ITIH4: variants seen among roughly 807,000 people sequenced by gnomAD.
ITIH4 encodes the protein inter-alpha-trypsin inhibitor heavy chain H4.
ITIH4 carries 79 observed loss-of-function variants against 111.8 expected under a neutral mutation model. The observed-to-expected ratio is 0.71, with a 90% confidence interval of 0.59 to 0.85. The LOEUF (loss-of-function observed/expected upper bound fraction) is 0.85, where lower values mean the gene tolerates loss of function less well. ITIH4 is among the 40% of genes least tolerant of loss of function. The probability of loss-of-function intolerance (pLI) is 0.00; values close to 1 mark genes in which losing one functional copy is unlikely to be tolerated. For missense variants in ITIH4, 1,065 were observed against 1,195.8 expected (o/e 0.89, Z 1.61); for synonymous variants, 472 against 468.3 (o/e 1.01, Z -0.10).
In ITIH4 at chr3:52,824,769, C is replaced by T; in HGVS notation, c.876+73G>A. ...CCGAAAGGTGAAGCAAGGGGGTCTG[C>T]CTGCCGGACCACAGCTGATAGCGTG... On this transcript the variant is annotated intron_variant, in intron 7 of 23. Transcript: ENST00000266041. This position sits in a 1 kb window ranked among gnomAD's most constrained non-coding sequence, Gnocchi z 4.3. 2 of 1,354,192 alleles carry T rather than the reference C, an allele frequency of 1.5e-6. No individual in the cohort carries two copies. The highest frequency in any genetic ancestry group is 2.1e-6 in the Non-Finnish European group (2 of 969,810). 83.9% of individuals were successfully genotyped at this position (1,354,192 alleles called of 1,614,324 possible).
At chr3:52,815,727 CTG>C (rs1274897157) in intron 21 of ITIH4, among the ~76,000 whole-genome samples, 1 of 150,790 alleles carries the variant, frequency 6.6e-6, no homozygotes, top group African/African-American at 2.4e-5. Flanking sequence ...GGGTCTCACT[CTG>C]TTGCCCAGGC....
intron 6 of ITIH4, 150 bp from the exon 7 acceptor site, chr3:52,825,108 T>C: frequency 3.9e-6 from 2 of 513,204 alleles, no homozygotes; most frequent in Non-Finnish European, 6.8e-6. Flanking sequence ...TTGCCCTTTT[T>C]CAGGGCTCAG....
intron 11 of ITIH4, 44 bp downstream of exon 11, chr3:52,823,512 T>G (rs1578777961): frequency 6.6e-7 from 1 of 1,513,666 alleles, no homozygotes; most frequent in Non-Finnish European, 9.0e-7. Flanking sequence ...GCTGCAGAGG[T>G]GGAGGCTGCC....
Position 52,827,141 on chromosome 3 carries a change from G to A in ITIH4, c.308C>T (p.Ala103Val). ...GIIKEKAEAQ[A>V]QYSAAVAKGK... ...CTTGGCCACTGCTGCGCTGTACTGT[G>A]CCTGGGCTTCAGCCTTCTCCTTGAT... The change falls in exon 3 of 24, where the codon GCA becomes GTA. Residue 103 changes from alanine (A) to valine (V), a missense_variant. Coordinates refer to ENST00000266041, the MANE Select transcript of ITIH4 (RefSeq NM_002218.5). The A allele has an allele frequency of 6.2e-7, 1 of 1,614,170 alleles. No individual in the cohort carries two copies. Among genetic ancestry groups the A allele is most frequent in the Non-Finnish European group, 8.5e-7 (1 of 1,180,038 alleles).
At chr3:52,813,747 C>T (rs1195811053) in intron 23 of ITIH4, among the ~76,000 whole-genome samples, 1 of 152,202 alleles carries the variant, frequency 6.6e-6, no homozygotes, top group Non-Finnish European at 1.5e-5. Flanking sequence ...CCCCAACCAA[C>T]CCCAGGGATC....
Position 52,829,269 on chromosome 3 carries a change from T to G in ITIH4, c.101A>C (p.Asp34Ala), listed in dbSNP as rs372118050. The G allele has an allele frequency of 5.1e-5, 82 of 1,609,614 alleles. No homozygotes were observed. Among genetic ancestry groups the G allele is most frequent in the Non-Finnish European group, 7.0e-5 (82 of 1,176,578 alleles). The part of the protein sequence containing the change: ...QTTTAEKNGI[D>A]IYSLTVDSRV... Reference sequence around the variant, plus strand: ...GGAGTCCACGGTGAGGCTGTAGATGTCGATGCCATTCTGGACCAGCAAAGA... The same window carrying G: ...GGAGTCCACGGTGAGGCTGTAGATGGCGATGCCATTCTGGACCAGCAAAGA... Residue 34 changes from aspartate (D) to alanine (A), a missense_variant, in exon 2 of 24, where the codon GAC (aspartate) becomes GCC (alanine). Asp to Ala is a moderately radical substitution (Grantham distance 126, BLOSUM62 -2). Transcript: ENST00000266041.
chr3:52,820,132 C>G (rs896022455), intron 14 of ITIH4, 142 bp from the exon 15 acceptor site: 4 of 1,280,228 alleles, frequency 3.1e-6, no homozygotes, highest in East Asian at 4.6e-5. Context: ...AATGCACCAG[C>G]ATGCTGGGTC....
intron 11 of ITIH4, chr3:52,823,248 C>T (rs1006622874): frequency 2.0e-5 from 6 of 306,236 alleles, no homozygotes; most frequent in African/African-American, 1.1e-4. Context: ...GAAATAGGAG[C>T]AGCCCTCCCT....
At position 52,826,912 on chromosome 3, in the gene ITIH4, C is replaced by A; in HGVS notation, c.398G>T (p.Ser133Ile). The A allele has an allele frequency of 6.2e-7, 1 of 1,614,148 alleles. No individual in the cohort carries two copies. The highest frequency in any genetic ancestry group is 8.5e-7 in the Non-Finnish European group (1 of 1,180,026). ...GGTGATCTTGGCATTGGGAGCCACA[C>A]TGACCGACACCTGGAACTGCTCCAT... ...RNMEQFQVSV[S>I]VAPNAKITFE... Residue 133 changes from serine to isoleucine, a missense_variant, in exon 4 of 24, where the codon AGT becomes ATT. By Grantham distance (142) the Ser-to-Ile change is moderately radical. Transcript: ENST00000266041.
rs1271864426 is a variant in ITIH4, at chr3:52,819,483, C to T, written c.1987G>A (p.Gly663Arg). Reference sequence around the variant, plus strand: ...CCAAGTTGCCTGGAGCTGAGAACCCCAGGTCTGAAATTCATCCGGGAGCCA... The same window carrying T: ...CCAAGTTGCCTGGAGCTGAGAACCCTAGGTCTGAAATTCATCCGGGAGCCA... ...AAGSRMNFRP[G>R]VLSSRQLGLP... Residue 663 changes from glycine (G) to arginine (R), a missense_variant, in exon 17 of 24, where the codon GGG (glycine) becomes AGG (arginine). Gly to Arg is a moderately radical substitution (Grantham distance 125). Transcript: ENST00000266041. 1 of 1,614,130 alleles carries T rather than the reference C, an allele frequency of 6.2e-7. No individual in the cohort carries two copies. The highest frequency in any genetic ancestry group is 8.5e-7 in the Non-Finnish European group (1 of 1,179,992).
chr3:52,813,430 C>T lies in ITIH4; in HGVS notation c.2784G>A (p.Val928=). The change falls in exon 24 of 24, where the codon GTG becomes GTA. Residue 928 remains valine (V), a synonymous_variant. Transcript: ENST00000266041. ...PPGVEISCWS[V]EL ...GCTCCTTCCATCAGAACTACAGCTCCACAGACCAGCAGGAAATCTCCACTC... is the reference window on the plus strand; with the variant it reads ...GCTCCTTCCATCAGAACTACAGCTCTACAGACCAGCAGGAAATCTCCACTC... 6.2e-7 allele frequency: 1 copy of T among 1,614,094 alleles called. No individual in the cohort carries two copies. Among genetic ancestry groups the T allele is most frequent in the Non-Finnish European group, 8.5e-7 (1 of 1,179,986 alleles).
intron 2 of ITIH4, among the ~76,000 whole-genome samples, chr3:52,827,742 T>A (rs1477792068): frequency 6.6e-6 from 1 of 152,138 alleles, no homozygotes; most frequent in East Asian, 1.9e-4. Flanking sequence ...AGGCACCCTA[T>A]AGGGAGGCTG....
At chr3:52,829,004 C>T in intron 2 of ITIH4, 115 bp downstream of exon 2, 6 of 985,180 alleles carry the variant, frequency 6.1e-6, no homozygotes, top group South Asian at 1.9e-5. Flanking sequence ...GGGTGTACTC[C>T]TGAAGATGTA....
At chr3:52,819,863 G>A (rs749007868) in intron 15 of ITIH4, 71 bp from the exon 16 acceptor site, 22 of 1,604,182 alleles carry the variant, frequency 1.4e-5, no homozygotes, top group Non-Finnish European at 1.7e-5. Context: ...AGAGGAGCTG[G>A]GCAAGGCACT....
At chr3:52,827,019 G>C (rs893419533) in intron 3 of ITIH4, 66 bp from the exon 4 acceptor site, 2 of 1,611,918 alleles carry the variant, frequency 1.2e-6, no homozygotes, top group Non-Finnish European at 1.7e-6. Context: ...AGAGGTGGGA[G>C]CAGGACTAAG....
chr3:52,819,760 T>C lies in ITIH4; in HGVS notation c.1945A>G (p.Arg649Gly), dbSNP rs577058485. ...GCAGAAACCCTCAAACTACCTTGTC[T>C]ATTCCATCCTCTTCTTGGAGAAAAG... ...ASFSPRRGWN[R>G]QAGAAGSRMN... Residue 649 changes from arginine to glycine, a missense_variant, in exon 16 of 24, where the codon AGA becomes GGA. Transcript: ENST00000266041. 2 of 1,614,092 alleles carry C rather than the reference T, an allele frequency of 1.2e-6. No individual in the cohort carries two copies. The highest frequency in any genetic ancestry group is 2.2e-5 in the East Asian group (1 of 44,866).
At chr3:52,830,365 C>T (rs1197016894) in intron 1 of ITIH4, 188 bp downstream of exon 1, 1 of 694,342 alleles carries the variant, frequency 1.4e-6, no homozygotes, top group African/African-American at 1.8e-5. Flanking sequence ...ATCATCCCCT[C>T]TATTAGGTGG....
Position 52,829,185 on chromosome 3 carries a change from T to A in ITIH4, c.185A>T (p.Asn62Ile). 6.2e-7 allele frequency: 1 copy of A among 1,613,858 alleles called. No individual in the cohort carries two copies. The highest frequency in any genetic ancestry group is 1.1e-5 in the South Asian group (1 of 91,066). Reference protein sequence around the residue: ...VVTSRVVNRANTVQEATFQME... With the variant: ...VVTSRVVNRAITVQEATFQME... ...CTGGAAGGTGGCCTCCTGCACAGTA[T>A]TGGCCCTATTGACCACTCGGCTGGT... The change falls in exon 2 of 24, where the codon AAT becomes ATT. Residue 62 changes from asparagine (N) to isoleucine (I), a missense_variant. Transcript: ENST00000266041.
At position 52,820,654 on chromosome 3, in the gene ITIH4, A is replaced by G. The variant is rs1364210607; in HGVS notation, c.1811T>C (p.Val604Ala). 6.2e-7 allele frequency: 1 copy of G among 1,612,986 alleles called. No homozygotes were observed. The highest frequency in any genetic ancestry group is 1.7e-5 in the Admixed American group (1 of 59,856). Residue 604 changes from valine to alanine, a missense_variant, in exon 13 of 24, where the codon GTT becomes GCT. By Grantham distance (64) the Val-to-Ala change is moderately conservative. Coordinates refer to ENST00000266041, the MANE Select transcript of ITIH4 (RefSeq NM_002218.5). ...TKPDDQEQSQ[V>A]AEKPMEGESR... ...ACCGCCTTCCATGGGCTTCTCAGCA[A>G]CTTGAGACTGCTCTTGGTCATCGGG...
Sources: gnomAD v4.1 joint callset for allele counts (sites outside exome capture counted in the v4.1 genomes callset) on GRCh38, gnomAD v4.1.1 for gene constraint, Gnocchi (gnomAD v3.1) non-coding constraint, MANE v1.5 for transcripts, NCBI Gene and HGNC (gene_info 2026-07-23, HGNC 2026-07-21) for gene names.